The following SLC5A9 variants were observed in gnomAD, a reference collection of about 807,000 sequenced individuals.
SLC5A9 encodes the protein solute carrier family 5 member 9.
Under a neutral mutation model 70.9 loss-of-function variants are expected in SLC5A9, and 59 were observed. The ratio of observed to expected loss-of-function variants is 0.83; its 90% CI spans 0.68 to 1.03. SLC5A9 has a LOEUF of 1.03. Among genes scored for constraint, SLC5A9 ranks in the 50% least tolerant of loss-of-function variants. The probability of loss-of-function intolerance (pLI) is 0.00; values close to 1 mark genes in which losing one functional copy is unlikely to be tolerated. For synonymous variants in SLC5A9, 340 were observed against 346.5 expected, an observed-to-expected ratio of 0.98 and a Z score of 0.21; for missense variants, 832 against 881.1, an observed-to-expected ratio of 0.94 and a Z score of 0.71.
intron 3 of SLC5A9, 102 bp downstream of exon 3, chr1:48,229,056 C>T: frequency 1.2e-6 from 2 of 1,613,938 alleles, no homozygotes; most frequent in South Asian, 1.1e-5. Context: ...TGGGAGGCTA[C>T]ATGGTGAATC....
rs369428729 is a variant in SLC5A9, at chr1:48,247,675, G to A, written c.*132G>A. 2.0e-5 allele frequency: 17 copies of A among 861,910 alleles called. No homozygotes were observed. In the African/African-American group the frequency reaches 2.7e-4, roughly 14 times the overall value. 53.4% of individuals were successfully genotyped at this position (861,910 alleles called of 1,614,324 possible). On this transcript the variant is annotated 3_prime_UTR_variant, in exon 14 of 14. Transcript: ENST00000438567. ...AGTCAAGACTGCAAGCTCCCCTGAAGAGAATCCAACTCAACCTGCACACTT... is the reference window on the plus strand; with the variant it reads ...AGTCAAGACTGCAAGCTCCCCTGAAAAGAATCCAACTCAACCTGCACACTT...
chr1:48,247,780 C>T lies in SLC5A9; in HGVS notation c.*237C>T. ...CAGAAGGTGTCACACGGGGTTTCCC[C>T]ACTCTTTCTGATATATTGCCTTACA... On this transcript the variant is annotated 3_prime_UTR_variant, in exon 14 of 14. Coordinates refer to ENST00000438567, the MANE Select transcript of SLC5A9 (RefSeq NM_001011547.3). The T allele has an allele frequency of 1.7e-6, 1 of 571,708 alleles. No homozygotes were observed. Among genetic ancestry groups the T allele is most frequent in the Admixed American group, 3.0e-5 (1 of 33,314 alleles). 35.4% of individuals were successfully genotyped at this position (571,708 alleles called of 1,614,324 possible). A position where few individuals can be genotyped will look rare whatever the true frequency, so the allele number is the denominator to read the frequency against.
Position 48,247,785 on chromosome 1 carries a change from T to A in SLC5A9, c.*242T>A. 1.8e-6 allele frequency: 1 copy of A among 566,060 alleles called. No homozygotes were observed. Among genetic ancestry groups the A allele is most frequent in the South Asian group, 2.2e-5 (1 of 45,798 alleles). 35.1% of individuals were successfully genotyped at this position (566,060 alleles called of 1,614,324 possible). On this transcript the variant is annotated 3_prime_UTR_variant, in exon 14 of 14. Coordinates refer to ENST00000438567, the MANE Select transcript of SLC5A9 (RefSeq NM_001011547.3). ...GGTGTCACACGGGGTTTCCCCACTC[T>A]TTCTGATATATTGCCTTACAGACCT...
In SLC5A9 at chr1:48,239,640, C is replaced by CTG; in HGVS notation, c.1677+106_1677+107dup. The stretch of plus-strand genomic sequence containing the variant: ...TTACTCTGTTGGGTTATGGTCTCCC[C>CTG]TGTGGCCACACAGATGTCCTTGGGA... On this transcript the variant is annotated intron_variant, in intron 12 of 13. Transcript: ENST00000438567. The surrounding 1 kb of genome is among the most constrained non-coding windows in gnomAD (Gnocchi z 4.2). The CTG allele has an allele frequency of 9.1e-7, 1 of 1,095,344 alleles. No homozygotes were observed. The highest frequency in any genetic ancestry group is 1.4e-6 in the Non-Finnish European group (1 of 731,910). 67.9% of individuals were successfully genotyped at this position (1,095,344 alleles called of 1,614,324 possible).
chr1:48,227,288 T>A (rs111068065), intron 2 of SLC5A9, among the ~76,000 whole-genome samples: 2,868 of 114,398 alleles, frequency 0.025, 110 homozygotes, highest in African/African-American at 0.079. Context: ...TGTGTGTATG[T>A]GTGAGAGTGT....
chr1:48,238,868 G>T (rs2148583552), intron 11 of SLC5A9, among the ~76,000 whole-genome samples: 1 of 152,290 alleles, frequency 6.6e-6, no homozygotes, highest in South Asian at 2.1e-4. Context: ...AGCAACTAAA[G>T]GAAAGTCTCT....
chr1:48,239,323 G>A lies in SLC5A9; in HGVS notation c.1463G>A (p.Gly488Glu). The change falls in exon 12 of 14, where the codon GGA becomes GAA. Residue 488 changes from glycine (G) to glutamate (E), a missense_variant and splice_region_variant. Coordinates refer to ENST00000438567, the MANE Select transcript of SLC5A9 (RefSeq NM_001011547.3). This position sits in a 1 kb window ranked among gnomAD's most constrained non-coding sequence, Gnocchi z 4.2. ...AIFCKRVTEPGAFWGLVFGLG... is the reference protein window; with the variant it reads ...AIFCKRVTEPEAFWGLVFGLG... Reference sequence around the variant, plus strand: ...GCTCTTGTCTGCCCTCTCTCACAGGGAGCTTTCTGGGGCCTCGTGTTTGGC... The same window carrying A: ...GCTCTTGTCTGCCCTCTCTCACAGGAAGCTTTCTGGGGCCTCGTGTTTGGC... 1 of 1,607,962 alleles carries A rather than the reference G, an allele frequency of 6.2e-7. No homozygotes were observed. Among genetic ancestry groups the A allele is most frequent in the Non-Finnish European group, 8.5e-7 (1 of 1,175,868 alleles).
rs1243278391 is a variant in SLC5A9, at chr1:48,242,611, C to A, written c.1832C>A (p.Pro611His). ...AENSSLGQEQ[P>H]EAPSRSWGKL... ...AACTCGAGCCTGGGCCAGGAGCAGC[C>A]TGAAGGTAGGCTGCGGCAGGCCGGG... The change falls in exon 13 of 14, where the codon CCT becomes CAT. Residue 611 changes from proline (P) to histidine (H), a missense_variant. Coordinates refer to ENST00000438567, the MANE Select transcript of SLC5A9 (RefSeq NM_001011547.3). The A allele has an allele frequency of 6.2e-7, 1 of 1,609,530 alleles. No homozygotes were observed. Among genetic ancestry groups the A allele is most frequent in the Admixed American group, 1.7e-5 (1 of 59,704 alleles).
At position 48,248,241 on chromosome 1, in the gene SLC5A9, T is replaced by C. The variant is rs1480996432; in HGVS notation, c.*698T>C. The C allele has an allele frequency of 6.5e-6, 1 of 152,678 alleles. No individual in the cohort carries two copies. The highest frequency in any genetic ancestry group is 1.5e-5 in the Non-Finnish European group (1 of 68,422). The allele number at this position is 152,678 out of a possible 1,614,324, so 9.5% of individuals were successfully genotyped here. A position where few individuals can be genotyped will look rare whatever the true frequency, so the allele number is the denominator to read the frequency against. Reference sequence around the variant, plus strand: ...AACCCAAATATGCACAAACTCTCTATGGCCTTGAGAAGCAGTTGGAGAGAC... The same window carrying C: ...AACCCAAATATGCACAAACTCTCTACGGCCTTGAGAAGCAGTTGGAGAGAC... On this transcript the variant is annotated 3_prime_UTR_variant, in exon 14 of 14. Coordinates refer to ENST00000438567, the MANE Select transcript of SLC5A9 (RefSeq NM_001011547.3).
Position 48,240,318 on chromosome 1 carries a change from A to T in SLC5A9, c.1677+781A>T, listed in dbSNP as rs1326282289. The T allele has an allele frequency of 3.3e-5, 5 of 152,220 alleles. No homozygotes were observed. In the East Asian group the frequency reaches 9.6e-4, roughly 29 times the overall value. The allele number at this position is 152,220 out of a possible 1,614,324, so 9.4% of individuals were successfully genotyped here. A position where few individuals can be genotyped will look rare whatever the true frequency, so the allele number is the denominator to read the frequency against. On this transcript the variant is annotated intron_variant, in intron 12 of 13. Transcript: ENST00000438567. ...ACTGAATCTCCTCTTCTTTTAAGTC[A>T]TAATGGATTGGTGACCTCATTTAAC... is the stretch of plus-strand genomic sequence containing the variant.
chr1:48,235,961 G>A (rs1644321162), intron 10 of SLC5A9, 82 bp downstream of exon 10: 2 of 1,551,958 alleles, frequency 1.3e-6, no homozygotes, highest in East Asian at 4.5e-5. Context: ...AGAGGTGGCT[G>A]GGTTGGACCC....
chr1:48,235,037 C>T (rs1644307619), intron 9 of SLC5A9, among the ~76,000 whole-genome samples: 1 of 152,080 alleles, frequency 6.6e-6, no homozygotes, highest in Non-Finnish European at 1.5e-5. Flanking sequence ...TGAGGTGGCA[C>T]CAGGGCTGGG....
rs562226454 is a variant in SLC5A9, at chr1:48,226,429, C to T, written c.234+1634C>T. On this transcript the variant is annotated intron_variant, in intron 2 of 13. Coordinates refer to ENST00000438567, the MANE Select transcript of SLC5A9 (RefSeq NM_001011547.3). ...GCACTCCCAGGTTCCCACTGCGCCC[C>T]AAACACAGAGCAGGCACCCAGTGGG... Among the ~76,000 whole-genome samples, 16 of 152,270 alleles carry T rather than the reference C, an allele frequency of 1.1e-4. 1 individual carries two copies. The South Asian group carries it at 3.3e-3, about 32-fold the overall frequency.
chr1:48,243,698 CA>C (rs1404716417), intron 13 of SLC5A9, among the ~76,000 whole-genome samples: 2 of 151,774 alleles, frequency 1.3e-5, no homozygotes, highest in African/African-American at 2.4e-5. Flanking sequence ...AACAAACCTG[CA>C]CACGTATCCC....
At chr1:48,227,432 GT>G in intron 2 of SLC5A9, among the ~76,000 whole-genome samples, 1 of 22,736 alleles carries the variant, frequency 4.4e-5, no homozygotes, top group South Asian at 2.0e-3. Context: ...GTGTGTCAGA[GT>G]GTGTGTGTGT....
At chr1:48,228,625 G>C (rs1644198749) in intron 2 of SLC5A9, 1 of 639,448 alleles carries the variant, frequency 1.6e-6, no homozygotes, top group Non-Finnish European at 2.5e-6. Context: ...GGGTGACCTG[G>C]AGCCATGAAT....
In SLC5A9 at chr1:48,235,752, G is replaced by A. The variant is rs139537448; in HGVS notation, c.1165G>A (p.Val389Met). ...PVGLRGLMIA[V>M]IMAALMSSLT... ...AGGTCTGCGGGGGCTGATGATTGCC[G>A]TGATCATGGCCGCTCTCATGAGCTC... is the stretch of plus-strand genomic sequence containing the variant. Residue 389 changes from valine to methionine, a missense_variant, in exon 10 of 14, where the codon GTG becomes ATG. By Grantham distance (21) the Val-to-Met change is conservative. Transcript: ENST00000438567. 2.1e-4 allele frequency: 338 copies of A among 1,614,200 alleles called. 1 individual carries two copies. The highest frequency in any genetic ancestry group is 1.7e-3 in the Admixed American group (105 of 60,024).
rs753998041 is a variant in SLC5A9, at chr1:48,239,572, A to G, written c.1677+35A>G. The G allele has an allele frequency of 1.8e-5, 28 of 1,584,618 alleles. No homozygotes were observed. Among genetic ancestry groups the G allele is most frequent in the Non-Finnish European group, 2.4e-5 (28 of 1,153,456 alleles). On this transcript the variant is annotated intron_variant, in intron 12 of 13. Transcript: ENST00000438567. The surrounding 1 kb of genome is among the most constrained non-coding windows in gnomAD (Gnocchi z 4.2). ...GTGCTCATACTGAGGCCCTCCAGAA[A>G]TGCTCTCCCTTCCCCCATAGCCTAG...
At position 48,231,956 on chromosome 1, in the gene SLC5A9, C is replaced by T. The variant is rs767631035; in HGVS notation, c.702C>T (p.Asp234=). Residue 234 remains aspartate, a synonymous_variant, in exon 7 of 14, where the codon GAC becomes GAT. Coordinates refer to ENST00000438567, the MANE Select transcript of SLC5A9 (RefSeq NM_001011547.3). ...ACTGTCTCCTCACAGGCTTTCAGGACGTGGGCTGGTACCCAGGCCTGGAGC... is the reference window on the plus strand; with the variant it reads ...ACTGTCTCCTCACAGGCTTTCAGGATGTGGGCTGGTACCCAGGCCTGGAGC... The part of the protein sequence containing the change: ...ALVLMFLGFQ[D]VGWYPGLEQR... The T allele has an allele frequency of 1.7e-5, 28 of 1,614,006 alleles. No homozygotes were observed. The highest frequency in any genetic ancestry group is 1.1e-4 in the East Asian group (5 of 44,874).
Sources: gnomAD v4.1 joint callset for allele counts (sites outside exome capture counted in the v4.1 genomes callset) on GRCh38, gnomAD v4.1.1 for gene constraint, Gnocchi (gnomAD v3.1) non-coding constraint, MANE v1.5 for transcripts, NCBI Gene and HGNC (gene_info 2026-07-23, HGNC 2026-07-21) for gene names.